Variants in DYNC2I1 observed in about 807,000 individuals in gnomAD.
DYNC2I1 encodes the protein cytoplasmic dynein 2 intermediate chain 1.
DYNC2I1 carries 89 observed loss-of-function variants against 133.4 expected under a neutral mutation model. That is an observed-to-expected ratio of 0.67 (90% CI 0.56 to 0.80). The LOEUF (loss-of-function observed/expected upper bound fraction) is 0.80, where lower values mean the gene tolerates loss of function less well. Among genes scored for constraint, DYNC2I1 ranks in the 30% least tolerant of loss-of-function variants. DYNC2I1 has a pLI of 0.00. For synonymous variants in DYNC2I1, 504 were observed against 484.3 expected (o/e 1.04, Z -0.54); for missense variants, 1,291 against 1,314.5 (o/e 0.98, Z 0.28).
At chr7:158,902,078 TC>T (rs1846311235) in intron 9 of DYNC2I1, among the ~76,000 whole-genome samples, 1 of 152,228 alleles carries the variant, frequency 6.6e-6, no homozygotes, top group Non-Finnish European at 1.5e-5. Context: ...TACATAGGTA[TC>T]TATAAAAATA....
intron 7 of DYNC2I1, among the ~76,000 whole-genome samples, chr7:158,889,190 C>T (rs1358297611): frequency 1.3e-5 from 2 of 151,712 alleles, no homozygotes; most frequent in African/African-American, 4.8e-5. Flanking sequence ...ACGCCATTCT[C>T]CTGCCTCAGC....
intron 14 of DYNC2I1, among the ~76,000 whole-genome samples, chr7:158,915,276 C>A (rs893459412): frequency 1.8e-5 from 2 of 110,732 alleles, no homozygotes; most frequent in Non-Finnish European, 4.1e-5. Context: ...AACCTCGACA[C>A]GGTGGTTGAG....
the DYNC2I1 span, among the ~76,000 whole-genome samples, chr7:158,846,779 A>G: frequency 6.6e-6 from 1 of 152,214 alleles, no homozygotes; most frequent in Non-Finnish European, 1.5e-5. Context: ...TCTTTTGAGA[A>G]GGCCTGGGAT....
chr7:158,886,865 A>T (rs1844657010), intron 6 of DYNC2I1, among the ~76,000 whole-genome samples, 156 bp from the exon 7 acceptor site: 1 of 152,164 alleles, frequency 6.6e-6, no homozygotes, highest in Non-Finnish European at 1.5e-5. Flanking sequence ...TCTCCCAAAT[A>T]GCTGGGATTA....
Position 158,856,599 on chromosome 7 carries a change from T to G in DYNC2I1, c.-137T>G. On this transcript the variant is annotated 5_prime_UTR_variant, in exon 1 of 25. Transcript: ENST00000407559. ...CACGCTGGGCAGTGCTTCTGGGCCCTCTGCTGCTCCTGCTTGTCGGTTGCT... is the reference window on the plus strand; with the variant it reads ...CACGCTGGGCAGTGCTTCTGGGCCCGCTGCTGCTCCTGCTTGTCGGTTGCT... The G allele has an allele frequency of 1.1e-6, 1 of 933,054 alleles. No homozygotes were observed. Among genetic ancestry groups the G allele is most frequent in the South Asian group, 5.6e-5 (1 of 17,944 alleles). 57.8% of individuals were successfully genotyped at this position (933,054 alleles called of 1,614,324 possible). A position where few individuals can be genotyped will look rare whatever the true frequency, so the allele number is the denominator to read the frequency against.
chr7:158,897,728 C>T (rs1845885337), intron 8 of DYNC2I1, among the ~76,000 whole-genome samples: 1 of 152,018 alleles, frequency 6.6e-6, no homozygotes, highest in Non-Finnish European at 1.5e-5. Context: ...CTGTTGATTT[C>T]CTATTTTTAA....
chr7:158,875,692 T>C (rs1434282290), intron 3 of DYNC2I1, among the ~76,000 whole-genome samples: 1 of 152,076 alleles, frequency 6.6e-6, no homozygotes, highest in African/African-American at 2.4e-5. Context: ...TGCACCTGGC[T>C]TCCTTGTTGA....
intron 24 of DYNC2I1, 147 bp downstream of exon 24, chr7:158,942,295 A>G: frequency 1.5e-6 from 1 of 660,802 alleles, no homozygotes; most frequent in South Asian, 2.5e-5. Flanking sequence ...ATGTTCAGTT[A>G]AAAATTAAAA....
the DYNC2I1 span, among the ~76,000 whole-genome samples, chr7:158,841,771 C>T: frequency 1.3e-5 from 2 of 152,186 alleles, no homozygotes; most frequent in Admixed American, 6.5e-5. Flanking sequence ...GTGGATGTGG[C>T]GCCTTTGGGA....
At chr7:158,850,452 G>A in the DYNC2I1 span, among the ~76,000 whole-genome samples, 6 of 152,248 alleles carry the variant, frequency 3.9e-5, no homozygotes, top group African/African-American at 1.4e-4. Context: ...CAACTCAGAA[G>A]GGATGTGGCT....
intron 8 of DYNC2I1, among the ~76,000 whole-genome samples, chr7:158,895,620 G>A (rs1845690849): frequency 6.6e-6 from 1 of 152,132 alleles, no homozygotes; most frequent in Non-Finnish European, 1.5e-5. Flanking sequence ...GACTATTCTG[G>A]ATCTTCTGCC....
chr7:158,931,079 A>G (rs1038358744), intron 21 of DYNC2I1, among the ~76,000 whole-genome samples: 13 of 152,178 alleles, frequency 8.5e-5, no homozygotes, highest in Admixed American at 7.9e-4. Flanking sequence ...TTACTTAACT[A>G]TTCTTCAGTT....
chr7:158,870,361 T>C (rs1019488693), intron 2 of DYNC2I1, among the ~76,000 whole-genome samples: 1 of 140,772 alleles, frequency 7.1e-6, no homozygotes, highest in African/African-American at 2.7e-5. Context: ...TTAATTTTAC[T>C]CTTTTTTTTA....
chr7:158,958,376 C>G (rs1327368439), downstream of DYNC2I1, among the ~76,000 whole-genome samples: 1 of 152,262 alleles, frequency 6.6e-6, no homozygotes, highest in African/African-American at 2.4e-5. Context: ...TGCGCGTTCT[C>G]TCTTCCTCAC....
chr7:158,921,364 C>T (rs1158758560), intron 15 of DYNC2I1, among the ~76,000 whole-genome samples: 2 of 152,060 alleles, frequency 1.3e-5, no homozygotes, highest in Admixed American at 6.6e-5. Context: ...ATGGGTCAGG[C>T]GTTGGTTGCC....
At chr7:158,928,868 G>A (rs1849899294) in intron 20 of DYNC2I1, among the ~76,000 whole-genome samples, 1 of 152,114 alleles carries the variant, frequency 6.6e-6, no homozygotes, top group Non-Finnish European at 1.5e-5. Flanking sequence ...CTTGAGGCTG[G>A]TTGTGCCGTT....
intron 3 of DYNC2I1, among the ~76,000 whole-genome samples, chr7:158,872,643 C>A (rs942000960): frequency 1.3e-5 from 2 of 148,998 alleles, no homozygotes; most frequent in Admixed American, 1.3e-4. Context: ...AAAAAAAAAA[C>A]CATTCAGCCA....
intron 3 of DYNC2I1, among the ~76,000 whole-genome samples, chr7:158,875,705 C>G (rs188717574): frequency 5.9e-5 from 9 of 152,216 alleles, no homozygotes; most frequent in Middle Eastern, 3.4e-3. Context: ...CTTGTTGATT[C>G]AGGGGCCTCT....
chr7:158,920,096 C>T (rs1174573095), intron 15 of DYNC2I1, among the ~76,000 whole-genome samples: 4 of 150,936 alleles, frequency 2.7e-5, no homozygotes, highest in Admixed American at 1.3e-4. Context: ...GGGCCTCCGT[C>T]GGGGAACACG....
Sources: allele counts gnomAD v4.1 joint callset (sites outside exome capture counted in the v4.1 genomes callset), GRCh38; gene constraint gnomAD v4.1.1; transcripts MANE v1.5; gene names NCBI Gene and HGNC (gene_info 2026-07-23, HGNC 2026-07-21).